The following PDE1A variants were observed in gnomAD, a reference collection of about 807,000 sequenced individuals.
PDE1A encodes the protein phosphodiesterase 1A.
Under a neutral mutation model 61.7 loss-of-function variants are expected in PDE1A, and 35 were observed. That is an observed-to-expected ratio of 0.57 (90% CI 0.43 to 0.75). The LOEUF (loss-of-function observed/expected upper bound fraction) is 0.75, where lower values mean the gene tolerates loss of function less well. PDE1A is among the 30% of genes least tolerant of loss of function. The pLI is 0.00. For synonymous variants in PDE1A, 232 were observed against 213.2 expected (o/e 1.09, Z -0.77); for missense variants, 597 against 630.6 (o/e 0.95, Z 0.57).
At chr2:182,615,941 A>C in the PDE1A span, among the ~76,000 whole-genome samples, 3 of 152,212 alleles carry the variant, frequency 2.0e-5, no homozygotes, top group African/African-American at 7.2e-5. Flanking sequence ...TAAAGGTCTC[A>C]ATTCTCAACA....
the PDE1A span, among the ~76,000 whole-genome samples, chr2:182,603,205 C>A: frequency 1.3e-5 from 2 of 151,810 alleles, no homozygotes; most frequent in African/African-American, 4.9e-5. Flanking sequence ...ATTCTCTCAC[C>A]TTTCCTGTCT....
intron 2 of PDE1A, among the ~76,000 whole-genome samples, chr2:182,514,915 G>C (rs182934494): frequency 1.9e-3 from 285 of 152,246 alleles, no homozygotes; most frequent in Non-Finnish European, 2.8e-3. Context: ...CAGTTTTGAA[G>C]GTTAAGTTGA....
At chr2:182,486,188 TAAG>T (rs771492674) in intron 2 of PDE1A, among the ~76,000 whole-genome samples, 10 of 151,678 alleles carry the variant, frequency 6.6e-5, no homozygotes, top group East Asian at 1.9e-4. Context: ...AAAATGAAAA[TAAG>T]AAATTCTATT....
At chr2:182,431,260 C>G (rs1020627447), upstream of PDE1A, among the ~76,000 whole-genome samples, 2 of 151,920 alleles carry the variant, frequency 1.3e-5, no homozygotes, top group Non-Finnish European at 2.9e-5. Context: ...CCAATCTTTT[C>G]TCTTTTTTGA....
At chr2:182,621,259 G>A in the PDE1A span, among the ~76,000 whole-genome samples, 6 of 152,148 alleles carry the variant, frequency 3.9e-5, no homozygotes, top group Non-Finnish European at 8.8e-5. Flanking sequence ...TTCTCTCTGT[G>A]ACTCAGAAAC....
chr2:182,164,295 T>C (rs905806157), downstream of PDE1A, among the ~76,000 whole-genome samples: 2 of 152,082 alleles, frequency 1.3e-5, no homozygotes, highest in Non-Finnish European at 2.9e-5. Flanking sequence ...TATGCCTTCA[T>C]GGGGAGTTCC....
intron 1 of PDE1A, among the ~76,000 whole-genome samples, chr2:182,295,057 C>CTTTTTTTTTTTTTTTTTTTTTT (rs11420821): frequency 1.7e-5 from 1 of 59,350 alleles, no homozygotes; most frequent in Non-Finnish European, 3.0e-5. Context: ...AAAAGGTAAT[C>CTTTTTTTTTTTTTTTTTTTTTT]TTTTTTTTTT....
At chr2:182,269,251 G>A (rs1335757813) in intron 1 of PDE1A, among the ~76,000 whole-genome samples, 3 of 152,092 alleles carry the variant, frequency 2.0e-5, no homozygotes, top group African/African-American at 4.8e-5. Context: ...AATTTTGGGA[G>A]GCCGAAGCGG....
chr2:182,212,698 G>A (rs113656776), intron 7 of PDE1A, among the ~76,000 whole-genome samples: 44 of 152,316 alleles, frequency 2.9e-4, no homozygotes, highest in Middle Eastern at 3.4e-3. Context: ...CGAATACTGC[G>A]CTTTTCTGAC....
chr2:182,617,897 C>T, the PDE1A span, among the ~76,000 whole-genome samples: 1 of 152,110 alleles, frequency 6.6e-6, no homozygotes, highest in Admixed American at 6.5e-5. Context: ...GACCTTACAC[C>T]CATTTCTAAC....
intron 1 of PDE1A, among the ~76,000 whole-genome samples, chr2:182,381,341 A>T (rs773655328): frequency 3.9e-5 from 6 of 152,146 alleles, no homozygotes; most frequent in Non-Finnish European, 7.4e-5. Flanking sequence ...GAAACATCTG[A>T]ATTCACTGTT....
At chr2:182,348,115 G>A (rs1017780344) in intron 1 of PDE1A, among the ~76,000 whole-genome samples, 2 of 152,092 alleles carry the variant, frequency 1.3e-5, no homozygotes, top group African/African-American at 2.4e-5. Context: ...ATTTATTTGG[G>A]ACCTACTACT....
At chr2:182,394,871 A>G (rs372583041) in intron 1 of PDE1A, among the ~76,000 whole-genome samples, 1 of 152,200 alleles carries the variant, frequency 6.6e-6, no homozygotes, top group Non-Finnish European at 1.5e-5. Context: ...AAAACAGTAA[A>G]TCAAAAACAA....
At chr2:182,365,519 C>A (rs577620365) in intron 1 of PDE1A, among the ~76,000 whole-genome samples, 1 of 152,028 alleles carries the variant, frequency 6.6e-6, no homozygotes, top group African/African-American at 2.4e-5. Flanking sequence ...ACAAAATGGA[C>A]AAATTATAAA....
At position 182,513,644 on chromosome 2, in the gene PDE1A, G is replaced by A. The variant is rs115768777; in HGVS notation, c.101+8632C>T. ...GCTAAACGCCCCACTTAAAAAGCAC[G>A]AAGTGGCAAGTTGGATAAAGAAGCA... On this transcript the variant is annotated intron_variant, in intron 2 of 14. Transcript: ENST00000410103. Among the ~76,000 whole-genome samples the A allele has an allele frequency of 6.4e-3, 980 of 152,278 alleles. 7 individuals are homozygous for A. Among genetic ancestry groups the A allele is most frequent in the Middle Eastern group, 0.014 (4 of 294 alleles).
chr2:182,607,851 T>C, the PDE1A span, among the ~76,000 whole-genome samples: 3 of 151,996 alleles, frequency 2.0e-5, no homozygotes, highest in African/African-American at 7.3e-5. Context: ...TGGGAGTGAA[T>C]AAAGGGAGAA....
At chr2:182,348,584 A>T (rs1303619307) in intron 1 of PDE1A, among the ~76,000 whole-genome samples, 2 of 152,042 alleles carry the variant, frequency 1.3e-5, no homozygotes, top group Non-Finnish European at 2.9e-5. Context: ...CATCTTAATA[A>T]GTGTCACATC....
chr2:182,379,939 T>C (rs1700629081), intron 1 of PDE1A, among the ~76,000 whole-genome samples: 1 of 152,142 alleles, frequency 6.6e-6, no homozygotes, highest in South Asian at 2.1e-4. Flanking sequence ...CTTCTGAACG[T>C]GGCATACAAA....
chr2:182,279,728 ATATAT>A (rs1693677467), intron 1 of PDE1A, among the ~76,000 whole-genome samples: 1 of 151,922 alleles, frequency 6.6e-6, no homozygotes, highest in Non-Finnish European at 1.5e-5. Context: ...ATGAAATAAA[ATATAT>A]TTAATTTCTC....
Sources: gnomAD v4.1 joint callset for allele counts (sites outside exome capture counted in the v4.1 genomes callset) on GRCh38, gnomAD v4.1.1 for gene constraint, MANE v1.5 for transcripts, NCBI Gene and HGNC (gene_info 2026-07-23, HGNC 2026-07-21) for gene names.